GRID1: variants seen among roughly 807,000 people sequenced by gnomAD.
GRID1 encodes the protein glutamate ionotropic receptor delta type subunit 1, also known as glutamate receptor ionotropic, delta-1.
Under a neutral mutation model 98.0 loss-of-function variants are expected in GRID1, and 28 were observed. That is an observed-to-expected ratio of 0.29 (90% CI 0.21 to 0.39). The LOEUF (loss-of-function observed/expected upper bound fraction) is 0.39. Ranked by LOEUF, GRID1 falls within the 10% of genes least tolerant of loss-of-function variation. The probability of loss-of-function intolerance (pLI) is 1.00; values close to 1 mark genes in which losing one functional copy is unlikely to be tolerated. For synonymous variants in GRID1, 553 were observed against 538.5 expected, an observed-to-expected ratio of 1.03 and a Z score of -0.37; for missense variants, 1,111 against 1,340.5, an observed-to-expected ratio of 0.83 and a Z score of 2.67.
At chr10:86,123,637 G>A (rs1844710373) in intron 4 of GRID1, among the ~76,000 whole-genome samples, 1 of 152,222 alleles carries the variant, frequency 6.6e-6, no homozygotes, top group Non-Finnish European at 1.5e-5. Flanking sequence ...CGGAAGGTTT[G>A]TGTGGTTGGG....
intron 6 of GRID1, among the ~76,000 whole-genome samples, chr10:85,866,209 C>G (rs538652970): frequency 2.7e-5 from 4 of 149,252 alleles, no homozygotes; most frequent in African/African-American, 9.9e-5. Flanking sequence ...GTACACAAAG[C>G]CTGTGATAAG....
intron 8 of GRID1, among the ~76,000 whole-genome samples, chr10:85,762,986 A>G (rs1396764079): frequency 2.0e-5 from 3 of 152,200 alleles, no homozygotes; most frequent in Admixed American, 2.0e-4. Flanking sequence ...TATTTCTGGC[A>G]ACTGGGAAAC....
chr10:86,084,047 G>C (rs1022794855), intron 4 of GRID1, among the ~76,000 whole-genome samples: 1 of 152,216 alleles, frequency 6.6e-6, no homozygotes, highest in Non-Finnish European at 1.5e-5. Flanking sequence ...AAGATGTCCT[G>C]TGTGCCTCCT....
Position 86,357,055 on chromosome 10 carries a change from G to C in GRID1, c.235+6886C>G, listed in dbSNP as rs532997225. ...GCCCCCAAGAGAAACCTGGAGAAAT[G>C]GCTCCAGGAGGAAAATTGTCAAAGT... On this transcript the variant is annotated intron_variant, in intron 2 of 15. Coordinates refer to ENST00000327946, the MANE Select transcript of GRID1 (RefSeq NM_017551.3). 4.6e-5 allele frequency among the ~76,000 whole-genome samples: 7 copies of C among 152,336 alleles called. No homozygotes were observed. In the South Asian group the frequency reaches 1.2e-3, roughly 27 times the overall value.
chr10:85,728,246 C>T (rs1349096164), intron 9 of GRID1, among the ~76,000 whole-genome samples, 194 bp from the exon 10 acceptor site: 5 of 152,194 alleles, frequency 3.3e-5, no homozygotes, highest in African/African-American at 1.2e-4. Flanking sequence ...GATGATCACT[C>T]CAATCAGTAG....
intron 6 of GRID1, among the ~76,000 whole-genome samples, chr10:85,867,345 T>C (rs748049657): frequency 6.6e-6 from 1 of 151,978 alleles, no homozygotes; most frequent in Non-Finnish European, 1.5e-5. Context: ...GAGGCAAGGG[T>C]GCCATGTATT....
At chr10:85,793,959 C>T (rs1244428709) in intron 8 of GRID1, among the ~76,000 whole-genome samples, 1 of 152,310 alleles carries the variant, frequency 6.6e-6, no homozygotes, top group East Asian at 1.9e-4. Context: ...TTCTTTACTA[C>T]AGACTTTTAA....
chr10:85,729,750 G>A, intron 8 of GRID1, 136 bp from the exon 9 acceptor site: 1 of 581,864 alleles, frequency 1.7e-6, no homozygotes. Flanking sequence ...GAGACCCAGA[G>A]CCATTTTAAA....
chr10:85,817,288 G>T (rs1345039285), intron 8 of GRID1, among the ~76,000 whole-genome samples: 1 of 152,100 alleles, frequency 6.6e-6, no homozygotes, highest in Non-Finnish European at 1.5e-5. Context: ...AGCACTTTGG[G>T]AGGCCAAAGT....
At position 85,813,439 on chromosome 10, in the gene GRID1, A is replaced by G. The variant is rs564314641; in HGVS notation, c.1233+41057T>C. 1.1e-3 allele frequency among the ~76,000 whole-genome samples: 168 copies of G among 150,892 alleles called. 1 individual carries two copies. The highest frequency in any genetic ancestry group is 5.3e-3 in the Admixed American group (81 of 15,168). The stretch of plus-strand genomic sequence containing the variant: ...ATGGAAGTCAGAATAAAGTGGAACA[A>G]CATCTTTAAAATGTGAAACGCTGAA... On this transcript the variant is annotated intron_variant, in intron 8 of 15. Transcript: ENST00000327946.
At chr10:85,702,482 C>G (rs1841462854) in intron 12 of GRID1, among the ~76,000 whole-genome samples, 1 of 151,870 alleles carries the variant, frequency 6.6e-6, no homozygotes, top group South Asian at 2.1e-4. Flanking sequence ...AAACAACATG[C>G]AAATAAATGG....
At chr10:86,202,361 T>C (rs181015830) in intron 3 of GRID1, among the ~76,000 whole-genome samples, 79 of 152,378 alleles carry the variant, frequency 5.2e-4, no homozygotes, top group African/African-American at 1.7e-3. Flanking sequence ...TCATCATAAT[T>C]ACAACCTTCA....
At chr10:85,661,717 C>A (rs1231302073) in intron 12 of GRID1, among the ~76,000 whole-genome samples, 1 of 152,180 alleles carries the variant, frequency 6.6e-6, no homozygotes, top group Non-Finnish European at 1.5e-5. Context: ...GCTTTTCTGA[C>A]TCTTAACAAC....
intron 6 of GRID1, among the ~76,000 whole-genome samples, chr10:85,864,975 C>T (rs971872921): frequency 6.6e-5 from 10 of 152,248 alleles, no homozygotes; most frequent in East Asian, 3.9e-4. Flanking sequence ...TGTGACAATA[C>T]GCCTCTTACT....
chr10:86,266,722 C>A (rs532580789), intron 2 of GRID1, among the ~76,000 whole-genome samples: 1 of 152,374 alleles, frequency 6.6e-6, no homozygotes, highest in South Asian at 2.1e-4. Flanking sequence ...GCCTCTACAC[C>A]AATTGCAGCA....
intron 2 of GRID1, among the ~76,000 whole-genome samples, chr10:86,336,848 A>T (rs1398680265): frequency 1.4e-5 from 2 of 143,934 alleles, no homozygotes; most frequent in African/African-American, 5.2e-5. Context: ...CTGGCCCACT[A>T]TTTTTTTTTT....
At chr10:85,915,079 C>G (rs1020475516) in intron 5 of GRID1, among the ~76,000 whole-genome samples, 1 of 152,110 alleles carries the variant, frequency 6.6e-6, no homozygotes, top group South Asian at 2.1e-4. Flanking sequence ...CACCACGATC[C>G]CTGGTGTTGC....
chr10:85,886,022 T>C (rs952517261), intron 5 of GRID1, among the ~76,000 whole-genome samples: 1 of 152,176 alleles, frequency 6.6e-6, no homozygotes, highest in Admixed American at 6.5e-5. Context: ...CCCTCCAGGA[T>C]ACCCAGAACC....
intron 13 of GRID1, among the ~76,000 whole-genome samples, chr10:85,642,388 C>G (rs1322752694): frequency 1.3e-5 from 2 of 152,146 alleles, no homozygotes; most frequent in African/African-American, 4.8e-5. Context: ...CTTTCAGGAC[C>G]AGGAAAATCT....
Sources: allele counts gnomAD v4.1 joint callset (sites outside exome capture counted in the v4.1 genomes callset), GRCh38; gene constraint gnomAD v4.1.1; transcripts MANE v1.5; gene names NCBI Gene and HGNC (gene_info 2026-07-23, HGNC 2026-07-21).